The following CHD1L variants were observed in gnomAD, a reference collection of about 807,000 sequenced individuals.
CHD1L encodes the protein ATP-dependent chromatin remodeler CHD1L.
CHD1L carries 118 observed loss-of-function variants against 115.9 expected under a neutral mutation model. The ratio of observed to expected loss-of-function variants is 1.02; its 90% CI spans 0.88 to 1.19. The LOEUF is 1.19. Among genes scored for constraint, CHD1L ranks in the 50% most tolerant of loss-of-function variants. CHD1L has a pLI of 0.00. For synonymous variants in CHD1L, 411 were observed against 387.1 expected, an observed-to-expected ratio of 1.06 and a Z score of -0.72; for missense variants, 1,179 against 1,065.3, an observed-to-expected ratio of 1.11 and a Z score of -1.49.
chr1:147,202,762 C>T, the CHD1L span, among the ~76,000 whole-genome samples: 1 of 152,146 alleles, frequency 6.6e-6, no homozygotes, highest in African/African-American at 2.4e-5. Context: ...TTGTGTTCTG[C>T]ATTCCAACCT....
intron 19 of CHD1L, among the ~76,000 whole-genome samples, chr1:147,288,340 A>AGAAAAAGG (rs1553967753): frequency 1.0e-3 from 1 of 960 alleles, no homozygotes; most frequent in African/African-American, 1.4e-3. Context: ...AAAAAAAAAA[A>AGAAAAAGG]AAAAAAGAAA....
the CHD1L span, among the ~76,000 whole-genome samples, chr1:147,199,342 ACAGAATAAAAAACC>A: frequency 1.3e-5 from 2 of 152,170 alleles, no homozygotes; most frequent in African/African-American, 4.8e-5. Flanking sequence ...TTGGCCATGG[ACAGAATAAAAAACC>A]CAGAGTTCCT....
the CHD1L span, chr1:147,208,434 C>CT: frequency 1 from 148,526 of 148,612 alleles, 74,220 homozygotes; most frequent in Middle Eastern, 1. Flanking sequence ...GCTTTCTTTT[C>CT]TTTTCTTTTC....
At chr1:147,276,548 G>T in intron 14 of CHD1L, among the ~76,000 whole-genome samples, 1 of 152,196 alleles carries the variant, frequency 6.6e-6, no homozygotes, top group East Asian at 1.9e-4. Context: ...TCAGAGGGCT[G>T]TTAAGAGAAT....
the CHD1L span, chr1:147,175,786 A>G: frequency 1.3e-5 from 2 of 152,308 alleles, no homozygotes; most frequent in South Asian, 2.1e-4. Context: ...ATAGCTATAA[A>G]TGGAATACTA....
At chr1:147,215,746 T>C in the CHD1L span, 1 of 1,583,716 alleles carries the variant, frequency 6.3e-7, no homozygotes, top group East Asian at 2.2e-5. Flanking sequence ...ACCCACACAA[T>C]TTTCTACCTT....
the CHD1L span, among the ~76,000 whole-genome samples, chr1:147,181,802 G>T: frequency 6.6e-6 from 1 of 152,152 alleles, no homozygotes; most frequent in South Asian, 2.1e-4. Context: ...TATAATGTTG[G>T]GCCATGCATT....
chr1:147,281,284 T>TA (rs1680749093), intron 15 of CHD1L, among the ~76,000 whole-genome samples: 1 of 152,212 alleles, frequency 6.6e-6, no homozygotes, highest in African/African-American at 2.4e-5. Context: ...GGGTAACTTT[T>TA]ATCTGTCTGA....
chr1:147,187,842 G>C, the CHD1L span, among the ~76,000 whole-genome samples: 1 of 152,202 alleles, frequency 6.6e-6, no homozygotes, highest in Non-Finnish European at 1.5e-5. Flanking sequence ...AGGGGAAAAT[G>C]TGGTTGATTA....
chr1:147,192,736 T>C, the CHD1L span, among the ~76,000 whole-genome samples: 681 of 152,318 alleles, frequency 4.5e-3, 5 homozygotes, highest in African/African-American at 0.016. Context: ...TGTTGAATTC[T>C]GTCAAAGGCC....
chr1:147,218,525 C>A, the CHD1L span, among the ~76,000 whole-genome samples: 1 of 151,984 alleles, frequency 6.6e-6, no homozygotes, highest in South Asian at 2.1e-4. Context: ...CGTGAGCCAC[C>A]GCGCCCAGCC....
At chr1:147,208,231 A>G in the CHD1L span, among the ~76,000 whole-genome samples, 2 of 152,062 alleles carry the variant, frequency 1.3e-5, no homozygotes, top group South Asian at 2.1e-4. Flanking sequence ...ACAGGTACTC[A>G]ATGAGTAAAT....
intron 10 of CHD1L, 66 bp from the exon 11 acceptor site, chr1:147,270,866 G>C (rs1170324459): frequency 7.7e-7 from 1 of 1,305,200 alleles, no homozygotes; most frequent in Non-Finnish European, 1.1e-6. Context: ...GGTAAATTTT[G>C]CCTGAGGGAA....
chr1:147,183,109 A>G, the CHD1L span, among the ~76,000 whole-genome samples: 1 of 152,132 alleles, frequency 6.6e-6, no homozygotes, highest in Non-Finnish European at 1.5e-5. Flanking sequence ...GAGGCAGGAG[A>G]ATGGCGTGAA....
chr1:147,238,464 T>C (rs1553930206), upstream of CHD1L, among the ~76,000 whole-genome samples: 3 of 152,250 alleles, frequency 2.0e-5, no homozygotes, highest in African/African-American at 7.2e-5. Flanking sequence ...CCACTGACAG[T>C]GTTAGTTGGT....
chr1:147,259,946 T>C (rs1671368602), intron 6 of CHD1L, 28 bp downstream of exon 6: 1 of 1,501,882 alleles, frequency 6.7e-7, no homozygotes, highest in Non-Finnish European at 9.2e-7. Context: ...CCTTAGTTTT[T>C]ATATAACCCC....
intron 5 of CHD1L, among the ~76,000 whole-genome samples, chr1:147,258,624 A>G (rs1323886517): frequency 6.6e-6 from 1 of 152,080 alleles, no homozygotes; most frequent in Non-Finnish European, 1.5e-5. Context: ...CGCTTCTCTC[A>G]GTAGGTGAAT....
At chr1:147,278,017 A>G (rs1023581012) in intron 14 of CHD1L, among the ~76,000 whole-genome samples, 2 of 152,094 alleles carry the variant, frequency 1.3e-5, no homozygotes, top group South Asian at 2.1e-4. Flanking sequence ...GAGTGGGAAC[A>G]TGGACTGCTG....
At chr1:147,228,703 T>C in the CHD1L span, among the ~76,000 whole-genome samples, 1 of 152,254 alleles carries the variant, frequency 6.6e-6, no homozygotes, top group Non-Finnish European at 1.5e-5. Flanking sequence ...ATCCCCATTC[T>C]AACTGGTGTG....
Sources: allele counts gnomAD v4.1 joint callset (sites outside exome capture counted in the v4.1 genomes callset), GRCh38; gene constraint gnomAD v4.1.1; transcripts MANE v1.5; gene names NCBI Gene and HGNC (gene_info 2026-07-23, HGNC 2026-07-21).